The following BPIFA3 variants were observed in gnomAD, a reference collection of about 807,000 sequenced individuals.
BPIFA3 encodes BPI fold-containing family A member 3.
Under a neutral mutation model 29.7 loss-of-function variants are expected in BPIFA3, and 32 were observed. The ratio of observed to expected loss-of-function variants is 1.08; its 90% CI spans 0.81 to 1.45. The LOEUF (loss-of-function observed/expected upper bound fraction) is 1.45. BPIFA3 is among the 40% of genes most tolerant of loss of function. The pLI, the probability that BPIFA3 is intolerant of heterozygous loss-of-function variation, is 0.00. For missense variants in BPIFA3, 323 were observed against 311.3 expected, an observed-to-expected ratio of 1.04 and a Z score of -0.28; for synonymous variants, 112 against 113.7, an observed-to-expected ratio of 0.98 and a Z score of 0.10.
chr20:33,222,861 T>C (rs1985595183), intron 1 of BPIFA3, among the ~76,000 whole-genome samples: 2 of 152,214 alleles, frequency 1.3e-5, no homozygotes, highest in Non-Finnish European at 2.9e-5. Context: ...TATATTTCTC[T>C]CCTAGTAGAC....
chr20:33,226,491 G>A lies in BPIFA3; in HGVS notation c.621+1G>A, dbSNP rs891246599. 2.5e-6 allele frequency: 4 copies of A among 1,600,548 alleles called. No homozygotes were observed. The highest frequency in any genetic ancestry group is 3.4e-6 in the Non-Finnish European group (4 of 1,171,400). ...TCTCCCACACATGGTAGAAAGTCAG[G>A]TAAGTTTAGAAAAAACTTTGCATCT... On this transcript the variant is annotated splice_donor_variant, in intron 5 of 6. Coordinates refer to ENST00000375454, the MANE Select transcript of BPIFA3 (RefSeq NM_178466.5). LOFTEE classifies it high-confidence loss of function.
At chr20:33,226,522 A>G in intron 5 of BPIFA3, 32 bp downstream of exon 5, 1 of 1,458,136 alleles carries the variant, frequency 6.9e-7, no homozygotes, top group Non-Finnish European at 9.6e-7. Flanking sequence ...CATCTTGAGC[A>G]TCCTTGAGTC....
Position 33,224,398 on chromosome 20 carries a change from A to G in BPIFA3, c.322A>G (p.Ile108Val), listed in dbSNP as rs200302065. The change falls in exon 3 of 7, where the codon ATA (isoleucine) becomes GTA (valine). Residue 108 changes from isoleucine (I) to valine (V), a missense_variant. By Grantham distance (29) the Ile-to-Val change is conservative. Coordinates refer to ENST00000375454, the MANE Select transcript of BPIFA3 (RefSeq NM_178466.5). ...TCAGCTGGACTGTGGTGGGATCCAG[A>G]TATCATTCCATAAGGAGTGGTTCTC... Reference protein sequence around the residue: ...NIQLDCGGIQISFHKEWFSAN... With the variant: ...NIQLDCGGIQVSFHKEWFSAN... The G allele has an allele frequency of 1.2e-6, 2 of 1,614,166 alleles. No homozygotes were observed. Among genetic ancestry groups the G allele is most frequent in the Middle Eastern group, 1.6e-4 (1 of 6,062 alleles).
chr20:33,217,721 C>A, intron 1 of BPIFA3, 58 bp downstream of exon 1: 1 of 1,559,900 alleles, frequency 6.4e-7, no homozygotes, highest in Non-Finnish European at 8.7e-7. Flanking sequence ...TGGGAAGGTG[C>A]CATCTGGGCT....
intron 4 of BPIFA3, 146 bp from the exon 5 acceptor site, chr20:33,226,260 C>T (rs1207371215): frequency 6.1e-6 from 4 of 660,760 alleles, no homozygotes; most frequent in Non-Finnish European, 1.1e-5. Flanking sequence ...TGAGCTACCC[C>T]TTTGATGATC....
At chr20:33,227,059 G>A (rs1243907614) in intron 6 of BPIFA3, 66 bp downstream of exon 6, 27 of 1,461,184 alleles carry the variant, frequency 1.8e-5, no homozygotes, top group African/African-American at 5.6e-5. Flanking sequence ...AGGTACCCCC[G>A]GCCCTGGAGC....
intron 1 of BPIFA3, 116 bp from the exon 2 acceptor site, chr20:33,223,695 C>A: frequency 9.0e-7 from 1 of 1,108,314 alleles, no homozygotes; most frequent in Non-Finnish European, 1.3e-6. Context: ...TGGTGACATG[C>A]ACCACTCACT....
intron 1 of BPIFA3, among the ~76,000 whole-genome samples, chr20:33,217,982 T>G (rs1985342326): frequency 6.6e-6 from 1 of 152,248 alleles, no homozygotes; most frequent in African/African-American, 2.4e-5. Flanking sequence ...TACTTAAATA[T>G]GCCTGTGTCC....
chr20:33,218,733 A>C (rs1237499310), intron 1 of BPIFA3, among the ~76,000 whole-genome samples: 1 of 152,018 alleles, frequency 6.6e-6, no homozygotes, highest in East Asian at 1.9e-4. Flanking sequence ...TAAAGGCCCT[A>C]TCTCCAAAGA....
intron 1 of BPIFA3, among the ~76,000 whole-genome samples, chr20:33,223,303 G>A (rs985438460): frequency 6.6e-6 from 1 of 152,166 alleles, no homozygotes; most frequent in Non-Finnish European, 1.5e-5. Flanking sequence ...CCAGGCAGGA[G>A]GGTCTAGAGA....
intron 3 of BPIFA3, among the ~76,000 whole-genome samples, 182 bp from the exon 4 acceptor site, chr20:33,224,915 CT>C (rs1272277443): frequency 4.6e-5 from 7 of 152,152 alleles, no homozygotes. Context: ...GTCACTCTGG[CT>C]ACAGCTGTTT....
chr20:33,227,614 C>A lies in BPIFA3; in HGVS notation c.762C>A (p.Ser254Arg), dbSNP rs771529567. 5 of 1,613,396 alleles carry A rather than the reference C, an allele frequency of 3.1e-6. No individual in the cohort carries two copies. In the East Asian group the frequency reaches 1.1e-4, roughly 36 times the overall value. Residue 254 changes from serine (S) to arginine (R), a missense_variant, in exon 7 of 7, where the codon AGC becomes AGA. By Grantham distance (110) the Ser-to-Arg change is moderately radical. Coordinates refer to ENST00000375454, the MANE Select transcript of BPIFA3 (RefSeq NM_178466.5). ...CATGCCAGGCTGGAGAGTCCCCCAGCTGACTTCTGCTGATCAGAAGGAAAG... is the reference window on the plus strand; with the variant it reads ...CATGCCAGGCTGGAGAGTCCCCCAGATGACTTCTGCTGATCAGAAGGAAAG... The part of the protein sequence containing the change: ...PSACQAGESP[S>R]
At chr20:33,221,832 C>A (rs939988221) in intron 1 of BPIFA3, among the ~76,000 whole-genome samples, 7 of 152,130 alleles carry the variant, frequency 4.6e-5, no homozygotes, top group South Asian at 4.1e-4. Context: ...AATATATTGG[C>A]GTATAATTCT....
At chr20:33,221,456 C>G (rs909850942) in intron 1 of BPIFA3, among the ~76,000 whole-genome samples, 1 of 152,208 alleles carries the variant, frequency 6.6e-6, no homozygotes, top group African/African-American at 2.4e-5. Context: ...TGCGCCTGGC[C>G]AAGATTTCAT....
At position 33,227,708 on chromosome 20, in the gene BPIFA3, C is replaced by G; in HGVS notation, c.*91C>G. 2.8e-6 allele frequency: 3 copies of G among 1,066,492 alleles called. No homozygotes were observed. The highest frequency in any genetic ancestry group is 4.3e-6 in the Non-Finnish European group (3 of 704,304). The allele number at this position is 1,066,492 out of a possible 1,614,324, so 66.1% of individuals were successfully genotyped here. The stretch of plus-strand genomic sequence containing the variant: ...GCTACCCTAAAAACTTTACCCCAGG[C>G]TCTGTGGACATACCATCCTCTCCTA... On this transcript the variant is annotated 3_prime_UTR_variant, in exon 7 of 7. Transcript: ENST00000375454.
At chr20:33,227,038 G>T (rs781044608) in intron 6 of BPIFA3, 45 bp downstream of exon 6, 2 of 1,574,088 alleles carry the variant, frequency 1.3e-6, no homozygotes, top group Non-Finnish European at 1.7e-6. Context: ...GGACTGGCAA[G>T]TGGCTGAAAG....
Position 33,224,341 on chromosome 20 carries a change from C to G in BPIFA3, c.279-14C>G, listed in dbSNP as rs1440853180. 1 of 1,610,962 alleles carries G rather than the reference C, an allele frequency of 6.2e-7. No individual in the cohort carries two copies. Among genetic ancestry groups the G allele is most frequent in the Non-Finnish European group, 8.5e-7 (1 of 1,177,356 alleles). Reference sequence around the variant, plus strand: ...CCCTCACCCTTGTGGGGCCTCTGCTCTTTCCTTGTGCAGCATCAACATCAC... The same window carrying G: ...CCCTCACCCTTGTGGGGCCTCTGCTGTTTCCTTGTGCAGCATCAACATCAC... On this transcript the variant is annotated splice_polypyrimidine_tract_variant and intron_variant, in intron 2 of 6. Transcript: ENST00000375454.
At chr20:33,224,866 C>T (rs1009118284) in intron 3 of BPIFA3, among the ~76,000 whole-genome samples, 1 of 152,120 alleles carries the variant, frequency 6.6e-6, no homozygotes, top group Admixed American at 6.5e-5. Context: ...TAACTCTCAA[C>T]GTTTGAATTT....
rs572607008 is a variant in BPIFA3, at chr20:33,219,269, GT to G, written c.127+1613del. Among the ~76,000 whole-genome samples the G allele has an allele frequency of 1.5e-3, 233 of 152,018 alleles. 2 individuals carry two copies. The highest frequency in any genetic ancestry group is 5.5e-3 in the African/African-American group (228 of 41,464). ...TCCATTTTTAAATTTGCTTTTCTGG[GT>G]TTTTTTAATCCTCTTTGACTTGAAG... On this transcript the variant is annotated intron_variant, in intron 1 of 6. Coordinates refer to ENST00000375454, the MANE Select transcript of BPIFA3 (RefSeq NM_178466.5).
Sources: allele counts gnomAD v4.1 joint callset (sites outside exome capture counted in the v4.1 genomes callset), GRCh38; gene constraint gnomAD v4.1.1; transcripts MANE v1.5; gene names NCBI Gene and HGNC (gene_info 2026-07-23, HGNC 2026-07-21).